The following MGAT4C variants were observed in gnomAD, a reference collection of about 807,000 sequenced individuals.
MGAT4C encodes the protein MGAT4 family member C.
MGAT4C carries 19 observed loss-of-function variants against 40.1 expected under a neutral mutation model. The observed-to-expected ratio is 0.47, with a 90% confidence interval of 0.33 to 0.70. The LOEUF is 0.70. Ranked by LOEUF, MGAT4C falls within the 30% of genes least tolerant of loss-of-function variation. MGAT4C has a pLI of 0.02. For missense variants in MGAT4C, 491 were observed against 563.2 expected, an observed-to-expected ratio of 0.87 and a Z score of 1.30; for synonymous variants, 181 against 187.1, an observed-to-expected ratio of 0.97 and a Z score of 0.27.
chr12:86,536,760 G>A (rs1413464788), intron 2 of MGAT4C, among the ~76,000 whole-genome samples: 1 of 152,066 alleles, frequency 6.6e-6, no homozygotes, highest in Admixed American at 6.6e-5. Flanking sequence ...TCTTTCTTGA[G>A]AATAAAATTA....
intron 2 of MGAT4C, among the ~76,000 whole-genome samples, chr12:86,604,846 C>T (rs1961989419): frequency 6.6e-6 from 1 of 151,980 alleles, no homozygotes; most frequent in Admixed American, 6.6e-5. Context: ...AAGAAAAAAG[C>T]TTCGGTTCTC....
chr12:85,998,826 C>A (rs1181067339), intron 2 of MGAT4C, among the ~76,000 whole-genome samples: 1 of 152,066 alleles, frequency 6.6e-6, no homozygotes, highest in African/African-American at 2.4e-5. Flanking sequence ...TCTTCTGAGC[C>A]CCCCAAACTG....
chr12:86,824,178 A>C (rs1952758083), intron 1 of MGAT4C, among the ~76,000 whole-genome samples: 1 of 151,252 alleles, frequency 6.6e-6, no homozygotes, highest in South Asian at 2.1e-4. Context: ...TATCAGATTG[A>C]CCCTGGCATA....
chr12:86,123,005 T>C (rs563802530), intron 1 of MGAT4C, among the ~76,000 whole-genome samples: 6 of 152,278 alleles, frequency 3.9e-5, no homozygotes, highest in African/African-American at 7.2e-5. Flanking sequence ...CTTTTGGTTG[T>C]ATCTAGACAA....
intron 2 of MGAT4C, among the ~76,000 whole-genome samples, chr12:86,587,961 C>T (rs959475560): frequency 6.6e-6 from 1 of 151,872 alleles, no homozygotes; most frequent in African/African-American, 2.4e-5. Flanking sequence ...GACTGATTGC[C>T]CTGGCCAGAA....
intron 1 of MGAT4C, among the ~76,000 whole-genome samples, chr12:86,232,935 G>A (rs1951387410): frequency 6.6e-6 from 1 of 152,156 alleles, no homozygotes; most frequent in South Asian, 2.1e-4. Context: ...AACACTCCCT[G>A]ATCCCATACA....
At chr12:86,410,781 C>T (rs910404722) in intron 3 of MGAT4C, among the ~76,000 whole-genome samples, 30 of 152,064 alleles carry the variant, frequency 2.0e-4, no homozygotes, top group African/African-American at 6.0e-4. Context: ...TAAAGACAGG[C>T]GTAAGAAATT....
At chr12:86,261,186 T>C (rs1241344256), upstream of MGAT4C, among the ~76,000 whole-genome samples, 1 of 152,136 alleles carries the variant, frequency 6.6e-6, no homozygotes, top group Non-Finnish European at 1.5e-5. Context: ...TGTATTGAAT[T>C]GATTTGACAT....
intron 2 of MGAT4C, among the ~76,000 whole-genome samples, chr12:86,672,802 A>G (rs1438038400): frequency 1.3e-5 from 2 of 152,148 alleles, no homozygotes; most frequent in Admixed American, 1.3e-4. Context: ...GTTAAATACT[A>G]TGCTTACTAC....
At chr12:86,005,965 C>T (rs1887830622) in intron 2 of MGAT4C, among the ~76,000 whole-genome samples, 1 of 152,086 alleles carries the variant, frequency 6.6e-6, no homozygotes, top group Non-Finnish European at 1.5e-5. Flanking sequence ...CTCGATTATT[C>T]TAGCTTTTTT....
intron 2 of MGAT4C, among the ~76,000 whole-genome samples, chr12:86,649,439 C>G (rs1393920753): frequency 6.6e-6 from 1 of 151,528 alleles, no homozygotes; most frequent in Non-Finnish European, 1.5e-5. Context: ...AGGTATTAGA[C>G]AATAATTTCT....
At chr12:86,366,419 GT>G (rs1171808246) in intron 3 of MGAT4C, among the ~76,000 whole-genome samples, 4 of 152,096 alleles carry the variant, frequency 2.6e-5, no homozygotes, top group African/African-American at 9.7e-5. Context: ...TTGGTACTAT[GT>G]TGAAGGAAAT....
At chr12:86,798,469 T>A (rs1952170156) in intron 1 of MGAT4C, among the ~76,000 whole-genome samples, 1 of 151,920 alleles carries the variant, frequency 6.6e-6, no homozygotes, top group South Asian at 2.1e-4. Flanking sequence ...AACCTGGATA[T>A]TCACAAACTT....
At chr12:86,144,044 C>T (rs558737209) in intron 1 of MGAT4C, among the ~76,000 whole-genome samples, 7 of 152,154 alleles carry the variant, frequency 4.6e-5, no homozygotes, top group Non-Finnish European at 8.8e-5. Context: ...AGGGATGATG[C>T]GCACAAGTAC....
At chr12:86,215,610 C>CT (rs1037452446) in intron 1 of MGAT4C, among the ~76,000 whole-genome samples, 2 of 152,106 alleles carry the variant, frequency 1.3e-5, no homozygotes, top group Non-Finnish European at 2.9e-5. Flanking sequence ...ATATTTCTTC[C>CT]TTTTTTTCTG....
chr12:86,395,873 G>T (rs554201757), intron 3 of MGAT4C, among the ~76,000 whole-genome samples: 67 of 152,170 alleles, frequency 4.4e-4, no homozygotes, highest in African/African-American at 1.6e-3. Flanking sequence ...AATTCAATTA[G>T]TACCAGGAGT....
chr12:86,609,371 G>A (rs899885959), intron 2 of MGAT4C, among the ~76,000 whole-genome samples: 1 of 151,934 alleles, frequency 6.6e-6, no homozygotes, highest in African/African-American at 2.4e-5. Context: ...ATCAATATTT[G>A]TTATGCTTAT....
chr12:86,397,617 C>T (rs1480273089), intron 3 of MGAT4C, among the ~76,000 whole-genome samples: 1 of 152,002 alleles, frequency 6.6e-6, no homozygotes, highest in African/African-American at 2.4e-5. Context: ...TGTATATTAG[C>T]TCCTCATTAA....
chr12:86,394,618 A>T lies in MGAT4C; in HGVS notation c.-120+40539T>A, dbSNP rs1456077851. ...TATATATTTTATATATATATACTTT[A>T]TATATATATATATATATGTACTTTT... On this transcript the variant is annotated intron_variant, in intron 3 of 7. Coordinates refer to the MGAT4C transcript ENST00000548651. Among the ~76,000 whole-genome samples, 27 of 138,906 alleles carry T rather than the reference A, an allele frequency of 1.9e-4. No homozygotes were observed. The East Asian group carries it at 4.2e-3, about 22-fold the overall frequency. The allele number at this position is 138,906 out of a possible 152,430, so 91.1% of individuals were successfully genotyped here.
Sources: gnomAD v4.1 joint callset for allele counts (sites outside exome capture counted in the v4.1 genomes callset) on GRCh38, gnomAD v4.1.1 for gene constraint, MANE v1.5 for transcripts, NCBI Gene and HGNC (gene_info 2026-07-23, HGNC 2026-07-21) for gene names.